The following TLL2 variants were observed in gnomAD, a reference collection of about 807,000 sequenced individuals.
The protein encoded by TLL2 is tolloid-like protein 2.
TLL2 carries 106 observed loss-of-function variants against 123.0 expected under a neutral mutation model. The ratio of observed to expected loss-of-function variants is 0.86; its 90% CI spans 0.74 to 1.01. The LOEUF is 1.01. Ranked by LOEUF, TLL2 falls within the 50% of genes least tolerant of loss-of-function variation. TLL2 has a pLI of 0.00. For missense variants in TLL2, 1,332 were observed against 1,336.7 expected, an observed-to-expected ratio of 1.00 and a Z score of 0.06; for synonymous variants, 494 against 516.8, an observed-to-expected ratio of 0.96 and a Z score of 0.60.
At chr10:96,490,944 G>A (rs894196710) in intron 1 of TLL2, among the ~76,000 whole-genome samples, 2 of 152,136 alleles carry the variant, frequency 1.3e-5, no homozygotes, top group African/African-American at 4.8e-5. Context: ...AAGGCACCAG[G>A]GACTCTGTTT....
intron 4 of TLL2, among the ~76,000 whole-genome samples, chr10:96,431,154 A>C (rs1846734983): frequency 6.6e-6 from 1 of 152,224 alleles, no homozygotes; most frequent in Non-Finnish European, 1.5e-5. Context: ...CAGTTAGGAT[A>C]CCAAGGAACA....
chr10:96,512,450 C>A (rs1847641119), intron 1 of TLL2, among the ~76,000 whole-genome samples: 2 of 152,272 alleles, frequency 1.3e-5, no homozygotes, highest in South Asian at 4.1e-4. Flanking sequence ...CCCACAGGCC[C>A]CGCAGAGACC....
chr10:96,445,389 A>C (rs1187640205), intron 3 of TLL2, among the ~76,000 whole-genome samples: 1 of 152,064 alleles, frequency 6.6e-6, no homozygotes, highest in Non-Finnish European at 1.5e-5. Context: ...CTCTTAAACA[A>C]CCAGCAGACC....
At chr10:96,501,704 C>G (rs77773551) in intron 1 of TLL2, among the ~76,000 whole-genome samples, 3,741 of 152,318 alleles carry the variant, frequency 0.025, 147 homozygotes, top group African/African-American at 0.085. Context: ...CCTTCTCTTG[C>G]ATCCCAGCAT....
chr10:96,513,371 C>A, intron 1 of TLL2, 140 bp downstream of exon 1: 1 of 1,066,570 alleles, frequency 9.4e-7, no homozygotes, highest in Non-Finnish European at 1.3e-6. Flanking sequence ...TCCTCGGAGG[C>A]ATTGTCTTCC....
intron 10 of TLL2, among the ~76,000 whole-genome samples, chr10:96,399,527 A>G (rs1846373551): frequency 6.6e-6 from 1 of 152,070 alleles, no homozygotes; most frequent in South Asian, 2.1e-4. Context: ...GGAATTGGGG[A>G]GATTAATATT....
chr10:96,394,479 G>A (rs1316714816), intron 13 of TLL2, among the ~76,000 whole-genome samples: 1 of 152,154 alleles, frequency 6.6e-6, no homozygotes, highest in African/African-American at 2.4e-5. Flanking sequence ...TGCCATTCTG[G>A]GCCTGGTTCC....
At chr10:96,473,020 T>A (rs566619693) in intron 2 of TLL2, among the ~76,000 whole-genome samples, 1 of 151,014 alleles carries the variant, frequency 6.6e-6, no homozygotes, top group East Asian at 2.0e-4. Context: ...CAAACTGGCT[T>A]GAAGGAAGTT....
At chr10:96,457,760 G>C (rs1350909962) in intron 2 of TLL2, among the ~76,000 whole-genome samples, 1 of 152,146 alleles carries the variant, frequency 6.6e-6, no homozygotes. Context: ...GGGACAGCAG[G>C]GATCTGGGTG....
intron 10 of TLL2, among the ~76,000 whole-genome samples, chr10:96,397,562 G>A (rs1411942210): frequency 6.6e-6 from 1 of 152,200 alleles, no homozygotes; most frequent in Non-Finnish European, 1.5e-5. Flanking sequence ...AAGAGCCCAG[G>A]CAGCCTCTCC....
In TLL2 at chr10:96,372,895, G is replaced by A. The variant is rs112902517; in HGVS notation, c.2662+701C>T. ...GATCGGGGGGTGGTCTCACCATCTT[G>A]CCCTGGCAGGTCTTGAACTCCTGGG... On this transcript the variant is annotated intron_variant, in intron 19 of 20. Transcript: ENST00000357947. 2.5e-3 allele frequency among the ~76,000 whole-genome samples: 379 copies of A among 152,126 alleles called. 1 individual carries two copies. The highest frequency in any genetic ancestry group is 8.7e-3 in the African/African-American group (360 of 41,474).
intron 20 of TLL2, among the ~76,000 whole-genome samples, chr10:96,368,565 C>T (rs953752114): frequency 3.9e-5 from 6 of 152,202 alleles, no homozygotes; most frequent in African/African-American, 1.4e-4. Flanking sequence ...CCATTTTTCA[C>T]TTCAGGAAAC....
At chr10:96,465,019 G>T (rs1937090) in intron 2 of TLL2, among the ~76,000 whole-genome samples, 57,045 of 152,092 alleles carry the variant, frequency 0.38, 10,899 homozygotes, top group Middle Eastern at 0.5. Flanking sequence ...AGGCAAGCCA[G>T]ACTCATTAGG....
chr10:96,422,763 A>G (rs368012515), intron 5 of TLL2, 36 bp from the exon 6 acceptor site: 503 of 1,612,598 alleles, frequency 3.1e-4, no homozygotes, highest in Non-Finnish European at 4.0e-4. Flanking sequence ...TCAGCAGGTC[A>G]GAAGACATTC....
chr10:96,369,947 T>TAAG lies in TLL2; in HGVS notation c.2913+117_2913+118insCTT, dbSNP rs2134049217. On this transcript the variant is annotated intron_variant, in intron 20 of 20. Coordinates refer to ENST00000357947, the MANE Select transcript of TLL2 (RefSeq NM_012465.4). Reference sequence around the variant, plus strand: ...CTCCGCTTCTGCAGAACGTGCCTCCTCGCCGTTGCTCCTAAGTGGAGTAGG... The same window carrying TAAG: ...CTCCGCTTCTGCAGAACGTGCCTCCTAAGCGCCGTTGCTCCTAAGTGGAGTAGG... The TAAG allele has an allele frequency of 2.9e-6, 4 of 1,395,610 alleles. No individual in the cohort carries two copies. The East Asian group carries it at 7.5e-5, about 26-fold the overall frequency. 86.5% of individuals were successfully genotyped at this position (1,395,610 alleles called of 1,614,324 possible).
intron 1 of TLL2, among the ~76,000 whole-genome samples, chr10:96,500,264 G>T (rs1318672364): frequency 6.6e-6 from 1 of 152,038 alleles, no homozygotes; most frequent in Non-Finnish European, 1.5e-5. Flanking sequence ...GCTGCAGTGA[G>T]CTGTGATTGC....
At chr10:96,430,891 A>G (rs973859139) in intron 4 of TLL2, among the ~76,000 whole-genome samples, 1 of 152,302 alleles carries the variant, frequency 6.6e-6, no homozygotes, top group Admixed American at 6.5e-5. Context: ...CAAAAAAATA[A>G]AAGAAAGAAA....
At chr10:96,508,232 G>A (rs990075107) in intron 1 of TLL2, among the ~76,000 whole-genome samples, 2 of 152,168 alleles carry the variant, frequency 1.3e-5, no homozygotes, top group Admixed American at 1.3e-4. Flanking sequence ...ATGCCACTCT[G>A]GGCACTTTTA....
At chr10:96,491,496 C>A (rs1181001763) in intron 1 of TLL2, among the ~76,000 whole-genome samples, 2 of 152,120 alleles carry the variant, frequency 1.3e-5, no homozygotes, top group Non-Finnish European at 2.9e-5. Context: ...CTGAGGGACT[C>A]ATCACCAGGT....
Sources: gnomAD v4.1 joint callset for allele counts (sites outside exome capture counted in the v4.1 genomes callset) on GRCh38, gnomAD v4.1.1 for gene constraint, MANE v1.5 for transcripts, NCBI Gene and HGNC (gene_info 2026-07-23, HGNC 2026-07-21) for gene names.